PNKD: variants seen among roughly 807,000 people sequenced by gnomAD.
PNKD encodes the protein PNKD metallo-beta-lactamase domain containing, also known as probable thioesterase PNKD.
A neutral mutation model predicts 45.3 loss-of-function variants in PNKD; 36 were observed. The observed-to-expected ratio is 0.80, with a 90% confidence interval of 0.61 to 1.05. PNKD has a LOEUF of 1.05. Ranked by LOEUF, PNKD falls within the 50% of genes least tolerant of loss-of-function variation. The pLI is 0.00. For missense variants in PNKD, 511 were observed against 506.6 expected (o/e 1.01, Z -0.08); for synonymous variants, 197 against 210.1 (o/e 0.94, Z 0.54).
intron 2 of PNKD, among the ~76,000 whole-genome samples, chr2:218,314,692 GT>G (rs530877937): frequency 0.028 from 4,028 of 143,694 alleles, 68 homozygotes; most frequent in South Asian, 0.07. Context: ...ATTTAAGTTC[GT>G]TTTTTTTTTT....
Position 218,345,299 on chromosome 2 carries a change from G to T in PNKD, c.*318G>T. ...CTCCTTCCCTACTCCTGGGACGGCA[G>T]CAAGGACATGGGGGCTGCTGTTAGC... On this transcript the variant is annotated 3_prime_UTR_variant, in exon 10 of 10. Transcript: ENST00000273077. 3.1e-6 allele frequency: 1 copy of T among 327,320 alleles called. No homozygotes were observed. Among genetic ancestry groups the T allele is most frequent in the East Asian group, 5.6e-5 (1 of 17,838 alleles). The allele number at this position is 327,320 out of a possible 1,614,324, so 20.3% of individuals were successfully genotyped here. A position where few individuals can be genotyped will look rare whatever the true frequency, so the allele number is the denominator to read the frequency against.
In PNKD at chr2:218,343,573, C is replaced by A. The variant is rs778631207; in HGVS notation, c.855C>A (p.Thr285=). The A allele has an allele frequency of 6.2e-7, 1 of 1,612,376 alleles. No homozygotes were observed. Among genetic ancestry groups the A allele is most frequent in the Non-Finnish European group, 8.5e-7 (1 of 1,179,140 alleles). ...CTGTGCTGGGGCTAGGGGATGACAC[C>A]CTTCTGTGGCCTGGTGAGACACCCC... ...LDTVLGLGDD[T]LLWPGHEYAE... Residue 285 remains threonine, a synonymous_variant, in exon 8 of 10, where the codon ACC becomes ACA. Coordinates refer to ENST00000273077, the MANE Select transcript of PNKD (RefSeq NM_015488.5).
Position 218,271,395 on chromosome 2 carries a change from G to C in PNKD, c.82G>C (p.Ala28Pro). 2 of 1,613,760 alleles carry C rather than the reference G, an allele frequency of 1.2e-6. No individual in the cohort carries two copies. Among genetic ancestry groups the C allele is most frequent in the Non-Finnish European group, 1.7e-6 (2 of 1,179,710 alleles). Residue 28 changes from alanine (A) to proline (P), a missense_variant, in exon 2 of 10, where the codon GCC (alanine) becomes CCC (proline). Coordinates refer to ENST00000273077, the MANE Select transcript of PNKD (RefSeq NM_015488.5). ...TCCATCCACAGGGATTCTCGCAGGA[G>C]CCACAGCTAACAAGGCTTCTCATAA... ...ARVLRGILAG[A>P]TANKASHNRT...
chr2:218,272,928 G>C (rs1328672224), intron 2 of PNKD: 1 of 1,500,072 alleles, frequency 6.7e-7, no homozygotes, highest in Non-Finnish European at 8.9e-7. Flanking sequence ...TAAAGTTATT[G>C]AGTGTTTAGT....
intron 2 of PNKD, chr2:218,272,725 C>T: frequency 6.2e-7 from 1 of 1,614,188 alleles, no homozygotes; most frequent in South Asian, 1.1e-5. Context: ...TCCCAGAGTG[C>T]CCCGTCCCCT....
At chr2:218,343,030 G>A (rs2106296686) in intron 7 of PNKD, among the ~76,000 whole-genome samples, 1 of 152,330 alleles carries the variant, frequency 6.6e-6, no homozygotes, top group South Asian at 2.1e-4. Flanking sequence ...GCTGAGTAAA[G>A]CCCTGCAGGG....
chr2:218,280,301 G>A (rs928086634), intron 2 of PNKD: 48 of 574,142 alleles, frequency 8.4e-5, no homozygotes, highest in African/African-American at 5.5e-4. Context: ...ACCCAGAGCC[G>A]GCCTGTCACG....
intron 2 of PNKD, among the ~76,000 whole-genome samples, chr2:218,296,309 T>C (rs1693138368): frequency 6.6e-6 from 1 of 152,180 alleles, no homozygotes; most frequent in East Asian, 1.9e-4. Flanking sequence ...GTCAAGTCCA[T>C]GGCTGCAGGA....
At position 218,315,049 on chromosome 2, in the gene PNKD, T is replaced by C. The variant is rs1230783635; in HGVS notation, c.237-24734T>C. On this transcript the variant is annotated intron_variant, in intron 2 of 9. Coordinates refer to ENST00000273077, the MANE Select transcript of PNKD (RefSeq NM_015488.5). Reference sequence around the variant, plus strand: ...CTTTCTTTCTTTCTTTTTCTTTCTTTCTTTCTTTCTTCCTTCCTTCCTTCC... The same window carrying C: ...CTTTCTTTCTTTCTTTTTCTTTCTTCCTTTCTTTCTTCCTTCCTTCCTTCC... Among the ~76,000 whole-genome samples, 65 of 57,640 alleles carry C rather than the reference T, an allele frequency of 1.1e-3. 7 individuals are homozygous for C. In the South Asian group the frequency reaches 0.023, roughly 21 times the overall value. The allele number at this position is 57,640 out of a possible 152,430, so 37.8% of individuals were successfully genotyped here.
chr2:218,289,378 A>G (rs1389021675), intron 2 of PNKD, among the ~76,000 whole-genome samples: 2 of 152,176 alleles, frequency 1.3e-5, no homozygotes, highest in Non-Finnish European at 2.9e-5. Flanking sequence ...GCGGTGGCTC[A>G]TGCCTGTAAT....
In PNKD at chr2:218,316,418, C is replaced by T. The variant is rs368903887; in HGVS notation, c.237-23365C>T. 8.2e-4 allele frequency among the ~76,000 whole-genome samples: 125 copies of T among 152,046 alleles called. 1 individual carries two copies. Among genetic ancestry groups the T allele is most frequent in the African/African-American group, 2.9e-3 (119 of 41,480 alleles). ...CCAAGTAGCTGGGATTACAGGCACC[C>T]GCCACCATATCCAGCTAATTTTTTG... On this transcript the variant is annotated intron_variant, in intron 2 of 9. Transcript: ENST00000273077.
At chr2:218,286,160 AT>A (rs1315272734) in intron 2 of PNKD, among the ~76,000 whole-genome samples, 1 of 151,958 alleles carries the variant, frequency 6.6e-6, no homozygotes, top group Non-Finnish European at 1.5e-5. Flanking sequence ...GGAAGCCTGA[AT>A]TTTCCCAAAA....
intron 2 of PNKD, among the ~76,000 whole-genome samples, chr2:218,301,092 G>A (rs564896677): frequency 2.6e-5 from 4 of 152,254 alleles, no homozygotes; most frequent in African/African-American, 9.6e-5. Context: ...TATTAAGAAA[G>A]TAGAGGAATA....
intron 2 of PNKD, among the ~76,000 whole-genome samples, chr2:218,319,541 G>A (rs2891074): frequency 0.96 from 144,979 of 151,750 alleles, 69,544 homozygotes; most frequent in East Asian, 1. Context: ...ATACCTGGCT[G>A]ATTTTTGTAT....
intron 6 of PNKD, 61 bp downstream of exon 6, chr2:218,341,687 C>T: frequency 7.9e-7 from 1 of 1,264,960 alleles, no homozygotes; most frequent in South Asian, 1.3e-5. Flanking sequence ...CACCCCCAGC[C>T]TTCAGTGAAG....
At chr2:218,321,623 C>CTTTTTTT (rs35315674) in intron 2 of PNKD, among the ~76,000 whole-genome samples, 1 of 93,828 alleles carries the variant, frequency 1.1e-5, no homozygotes, top group Non-Finnish European at 2.1e-5. Context: ...GTGAGCTTGA[C>CTTTTTTT]TTTTTTTTTT....
intron 2 of PNKD, chr2:218,275,754 A>T: frequency 8.9e-7 from 1 of 1,124,546 alleles, no homozygotes; most frequent in Non-Finnish European, 1.3e-6. Context: ...AGCATAACAT[A>T]TGGGCTCTAT....
At chr2:218,336,228 A>AAAAAAG (rs1553672785) in intron 2 of PNKD, among the ~76,000 whole-genome samples, 1 of 149,098 alleles carries the variant, frequency 6.7e-6, no homozygotes, top group Non-Finnish European at 1.5e-5. Context: ...AAAAAAAAAA[A>AAAAAAG]GTTTGGAAAA....
intron 2 of PNKD, among the ~76,000 whole-genome samples, chr2:218,332,868 C>A (rs957306915): frequency 3.3e-5 from 5 of 152,182 alleles, no homozygotes; most frequent in Admixed American, 2.0e-4. Context: ...CCCTGCCCAC[C>A]TCACCAACCC....
Sources: allele counts gnomAD v4.1 joint callset (sites outside exome capture counted in the v4.1 genomes callset), GRCh38; gene constraint gnomAD v4.1.1; transcripts MANE v1.5; gene names NCBI Gene and HGNC (gene_info 2026-07-23, HGNC 2026-07-21).